The following MTUS2 variants were observed in gnomAD, a reference collection of about 807,000 sequenced individuals.
The protein encoded by MTUS2 is microtubule-associated tumor suppressor candidate 2.
MTUS2 carries 40 observed loss-of-function variants against 114.1 expected under a neutral mutation model. The ratio of observed to expected loss-of-function variants is 0.35; its 90% CI spans 0.27 to 0.46. The LOEUF is 0.46. Ranked by LOEUF, MTUS2 falls within the 20% of genes least tolerant of loss-of-function variation. The pLI, the probability that MTUS2 is intolerant of heterozygous loss-of-function variation, is 1.00. For missense variants in MTUS2, 1,679 were observed against 1,705.4 expected, an observed-to-expected ratio of 0.98 and a Z score of 0.27; for synonymous variants, 688 against 672.0, an observed-to-expected ratio of 1.02 and a Z score of -0.37.
intron 10 of MTUS2, chr13:29,482,522 T>C (rs1391528077): frequency 2.0e-5 from 3 of 152,238 alleles, no homozygotes; most frequent in Non-Finnish European, 2.9e-5. Context: ...AAGCCATTTA[T>C]TTATTTACTC....
chr13:29,280,163 A>G (rs574952970), intron 5 of MTUS2, among the ~76,000 whole-genome samples: 90 of 152,252 alleles, frequency 5.9e-4, no homozygotes, highest in African/African-American at 2.1e-3. Flanking sequence ...CTGTTTTTGC[A>G]AGTTCATGGT....
chr13:29,084,849 C>T (rs1889618592), intron 4 of MTUS2, among the ~76,000 whole-genome samples: 1 of 148,988 alleles, frequency 6.7e-6, no homozygotes, highest in African/African-American at 2.5e-5. Flanking sequence ...TGCCTGACCT[C>T]AGAGGTTACT....
At chr13:28,867,292 C>CT (rs938955638) in intron 2 of MTUS2, among the ~76,000 whole-genome samples, 5 of 152,116 alleles carry the variant, frequency 3.3e-5, no homozygotes, top group African/African-American at 1.2e-4. Context: ...AACCAAAGCT[C>CT]TTTTTTTCTT....
intron 8 of MTUS2, among the ~76,000 whole-genome samples, chr13:29,378,383 T>C (rs1458536562): frequency 6.6e-6 from 1 of 152,182 alleles, no homozygotes; most frequent in Non-Finnish European, 1.5e-5. Flanking sequence ...TTAAACATAT[T>C]TGTGCTCCGT....
intron 2 of MTUS2, among the ~76,000 whole-genome samples, chr13:29,007,320 T>G (rs1885644182): frequency 6.6e-6 from 1 of 151,926 alleles, no homozygotes; most frequent in African/African-American, 2.4e-5. Flanking sequence ...CCATTTCAAC[T>G]CCTACTCCCC....
At chr13:29,324,451 T>TGACA (rs1900393572) in intron 6 of MTUS2, among the ~76,000 whole-genome samples, 162 bp from the exon 7 acceptor site, 1 of 152,174 alleles carries the variant, frequency 6.6e-6, no homozygotes, top group Admixed American at 6.5e-5. Flanking sequence ...AGTGTGTCAT[T>TGACA]CATCAAGCAC....
intron 2 of MTUS2, among the ~76,000 whole-genome samples, chr13:28,867,791 C>A (rs114603325): frequency 6.6e-6 from 1 of 152,192 alleles, no homozygotes; most frequent in African/African-American, 2.4e-5. Flanking sequence ...TACTGTTTGC[C>A]AAGTGGCTGA....
At chr13:29,230,763 A>G (rs549659308) in intron 5 of MTUS2, among the ~76,000 whole-genome samples, 80 of 152,282 alleles carry the variant, frequency 5.3e-4, no homozygotes, top group African/African-American at 1.8e-3. Flanking sequence ...ATTTCTGGAG[A>G]CTGATTTCAG....
At position 29,369,248 on chromosome 13, in the gene MTUS2, G is replaced by A. The variant is rs145824833; in HGVS notation, c.3117+9775G>A. 3.2e-4 allele frequency among the ~76,000 whole-genome samples: 49 copies of A among 152,252 alleles called. No individual in the cohort carries two copies. The East Asian group carries it at 9.3e-3, about 29-fold the overall frequency. ...CAAACGGTTTATTTAGCAAAGTTCT[G>A]CCTCGTTTCAGCCCGTAGAGAAGCC... On this transcript the variant is annotated intron_variant, in intron 8 of 15. Transcript: ENST00000612955.
chr13:29,488,164 T>G (rs1380138208), intron 11 of MTUS2, 159 bp downstream of exon 11: 5 of 622,416 alleles, frequency 8.0e-6, no homozygotes, highest in Non-Finnish European at 1.4e-5. Flanking sequence ...AAAGAAGAGA[T>G]AGGAATTAAG....
intron 4 of MTUS2, among the ~76,000 whole-genome samples, chr13:29,036,891 G>T (rs535381008): frequency 6.7e-6 from 1 of 150,266 alleles, no homozygotes; most frequent in South Asian, 2.1e-4. Flanking sequence ...TTTATTTTGG[G>T]CCTATGTGTG....
At chr13:28,925,804 C>T (rs529805001) in intron 2 of MTUS2, among the ~76,000 whole-genome samples, 95 of 152,190 alleles carry the variant, frequency 6.2e-4, no homozygotes, top group Non-Finnish European at 1.1e-3. Flanking sequence ...TAGAACAATG[C>T]GTTGCTTATG....
At chr13:29,159,285 G>A (rs900352333) in intron 5 of MTUS2, among the ~76,000 whole-genome samples, 1 of 151,984 alleles carries the variant, frequency 6.6e-6, no homozygotes, top group Non-Finnish European at 1.5e-5. Flanking sequence ...AAAAAGTTTT[G>A]GACTTATTTT....
At chr13:29,201,561 T>C (rs995109144) in intron 5 of MTUS2, among the ~76,000 whole-genome samples, 1 of 152,198 alleles carries the variant, frequency 6.6e-6, no homozygotes, top group African/African-American at 2.4e-5. Flanking sequence ...TGATGCTAGC[T>C]GGTTATTCTG....
intron 7 of MTUS2, among the ~76,000 whole-genome samples, chr13:29,339,144 C>G (rs1415437408): frequency 3.3e-5 from 5 of 152,064 alleles, no homozygotes. Context: ...TGTAGGAAGG[C>G]CCAATACAGA....
Position 29,425,839 on chromosome 13 carries a change from C to G in MTUS2, c.3118-14144C>G, listed in dbSNP as rs546163736. Among the ~76,000 whole-genome samples, 165 of 152,258 alleles carry G rather than the reference C, an allele frequency of 1.1e-3. 1 individual carries two copies. Among genetic ancestry groups the G allele is most frequent in the Non-Finnish European group, 2.0e-3 (139 of 68,030 alleles). ...TGCCCTCTGTGCCCAAGAAGAGAAGCTGAAAATGGCCTCTCTTTGTGTAGA... is the reference window on the plus strand; with the variant it reads ...TGCCCTCTGTGCCCAAGAAGAGAAGGTGAAAATGGCCTCTCTTTGTGTAGA... On this transcript the variant is annotated intron_variant, in intron 8 of 15. Coordinates refer to ENST00000612955, the MANE Select transcript of MTUS2 (RefSeq NM_001033602.4).
chr13:29,026,817 A>G lies in MTUS2; in HGVS notation c.2119A>G (p.Arg707Gly), dbSNP rs939150056. 4 of 1,611,782 alleles carry G rather than the reference A, an allele frequency of 2.5e-6. No homozygotes were observed. The South Asian group carries it at 3.3e-5, about 13-fold the overall frequency. The change falls in exon 3 of 16, where the codon AGG becomes GGG. Residue 707 changes from arginine to glycine, a missense_variant. Arg to Gly is a moderately radical substitution (Grantham distance 125). Coordinates refer to ENST00000612955, the MANE Select transcript of MTUS2 (RefSeq NM_001033602.4). ...EKFKPDLQKP[R>G]VFSSGLMVSG... ...ATTCAAGCCAGACCTGCAGAAGCCA[A>G]GGGTCTTCAGTTCCGGATTGATGGT...
chr13:28,861,711 T>TA (rs764701332), intron 2 of MTUS2, among the ~76,000 whole-genome samples: 1 of 152,138 alleles, frequency 6.6e-6, no homozygotes, highest in Admixed American at 6.5e-5. Context: ...GGTTGGTACT[T>TA]ACTGGCTGTG....
At chr13:29,360,833 A>G (rs992091970) in intron 8 of MTUS2, among the ~76,000 whole-genome samples, 1 of 152,086 alleles carries the variant, frequency 6.6e-6, no homozygotes, top group African/African-American at 2.4e-5. Context: ...TTGTACCTAA[A>G]GAGGAAAACA....
Sources: gnomAD v4.1 joint callset for allele counts (sites outside exome capture counted in the v4.1 genomes callset) on GRCh38, gnomAD v4.1.1 for gene constraint, MANE v1.5 for transcripts, NCBI Gene and HGNC (gene_info 2026-07-23, HGNC 2026-07-21) for gene names.